Variants in NSL1 observed in about 807,000 individuals in gnomAD.
NSL1 encodes the protein NSL1 component of MIS12 kinetochore complex, also known as kinetochore-associated protein NSL1 homolog.
NSL1 carries 11 observed loss-of-function variants against 25.4 expected under a neutral mutation model. The observed-to-expected ratio is 0.43, with a 90% CI of 0.27 to 0.72. The LOEUF (loss-of-function observed/expected upper bound fraction) is 0.72. NSL1 is among the 30% of genes least tolerant of loss of function. The pLI, the probability that NSL1 is intolerant of heterozygous loss-of-function variation, is 0.19. For synonymous variants in NSL1, 118 were observed against 120.6 expected (o/e 0.98, Z 0.14); for missense variants, 330 against 342.7 (o/e 0.96, Z 0.29).
chr1:212,746,270 T>C (rs2102436882), intron 4 of NSL1, among the ~76,000 whole-genome samples: 2 of 151,912 alleles, frequency 1.3e-5, no homozygotes, highest in Middle Eastern at 6.8e-3. Flanking sequence ...AATGACAACA[T>C]AAAGGGGGAG....
At chr1:212,764,584 GC>G (rs1183211886) in intron 4 of NSL1, among the ~76,000 whole-genome samples, 7 of 152,126 alleles carry the variant, frequency 4.6e-5, no homozygotes, top group Non-Finnish European at 1.0e-4. Context: ...GGTGGCTCAT[GC>G]CCACAATCCC....
In NSL1 at chr1:212,745,160, C is replaced by A. The variant is rs1326016166; in HGVS notation, c.500-5559G>T. Reference sequence around the variant, plus strand: ...CAAAACAAACAAACAAACAAACAAACTATATATATATATATATATATATAT... The same window carrying A: ...CAAAACAAACAAACAAACAAACAAAATATATATATATATATATATATATAT... On this transcript the variant is annotated intron_variant, in intron 4 of 5. Coordinates refer to ENST00000366977, the MANE Select transcript of NSL1 (RefSeq NM_015471.4). Among the ~76,000 whole-genome samples, 152 of 117,676 alleles carry A rather than the reference C, an allele frequency of 1.3e-3. 1 individual carries two copies. Among genetic ancestry groups the A allele is most frequent in the African/African-American group, 5.8e-3 (143 of 24,720 alleles). The allele number at this position is 117,676 out of a possible 152,430, so 77.2% of individuals were successfully genotyped here.
intron 4 of NSL1, among the ~76,000 whole-genome samples, chr1:212,755,425 A>G (rs1429286856): frequency 1.3e-5 from 2 of 151,816 alleles, no homozygotes; most frequent in Admixed American, 6.5e-5. Context: ...ATCTCTCACA[A>G]AAAACAAAAA....
At chr1:212,782,467 G>C (rs1435841166) in intron 3 of NSL1, 41 bp from the exon 4 acceptor site, 3 of 1,335,742 alleles carry the variant, frequency 2.2e-6, no homozygotes, top group Non-Finnish European at 3.2e-6. Context: ...ATCACTTAAT[G>C]CTTCATATAA....
intron 4 of NSL1, among the ~76,000 whole-genome samples, chr1:212,741,171 C>A (rs2102430639): frequency 6.6e-6 from 1 of 152,196 alleles, no homozygotes; most frequent in African/African-American, 2.4e-5. Context: ...CAAAAGTACT[C>A]AGGGGCATAA....
chr1:212,743,171 T>A (rs983453937), intron 4 of NSL1, among the ~76,000 whole-genome samples: 9 of 152,110 alleles, frequency 5.9e-5, no homozygotes, highest in Non-Finnish European at 1.0e-4. Flanking sequence ...TTGGTTTTTT[T>A]TTCTTTTTTT....
chr1:212,752,228 G>A (rs1005043575), intron 4 of NSL1, among the ~76,000 whole-genome samples: 4 of 152,144 alleles, frequency 2.6e-5, no homozygotes, highest in Non-Finnish European at 5.9e-5. Flanking sequence ...AGCCTGTAAA[G>A]GGTTGCCTAG....
chr1:212,783,558 G>C (rs1369909472), intron 3 of NSL1, among the ~76,000 whole-genome samples: 1 of 152,092 alleles, frequency 6.6e-6, no homozygotes, highest in East Asian at 1.9e-4. Flanking sequence ...ATTTATATGT[G>C]AACATTTATG....
Position 212,726,764 on chromosome 1 carries a change from G to A in NSL1, c.*11644C>T, listed in dbSNP as rs540986970. The A allele has an allele frequency of 4.1e-5, 8 of 192,796 alleles. No homozygotes were observed. The highest frequency in any genetic ancestry group is 5.3e-5 in the Non-Finnish European group (5 of 94,090). The allele number at this position is 192,796 out of a possible 1,614,324, so 11.9% of individuals were successfully genotyped here. A position where few individuals can be genotyped will look rare whatever the true frequency, so the allele number is the denominator to read the frequency against. ...GCAGAGTGATTGGGTCACTCTCCAT[G>A]GTGTCCATGAGAGGCTGCCAGCCAC... On this transcript the variant is annotated 3_prime_UTR_variant, in exon 6 of 6. Coordinates refer to ENST00000366977, the MANE Select transcript of NSL1 (RefSeq NM_015471.4).
At position 212,782,360 on chromosome 1, in the gene NSL1, A is replaced by T. The variant is rs771193434; in HGVS notation, c.499+12T>A. The T allele has an allele frequency of 1.5e-5, 24 of 1,595,080 alleles. No individual in the cohort carries two copies. The highest frequency in any genetic ancestry group is 2.1e-5 in the Non-Finnish European group (24 of 1,162,684). On this transcript the variant is annotated intron_variant, in intron 4 of 5. Coordinates refer to ENST00000366977, the MANE Select transcript of NSL1 (RefSeq NM_015471.4). ...GATGCTTCATTTTTACCACAAATGG[A>T]TACTGACTCACCTGGATCAGGGTCA...
chr1:212,753,077 G>A (rs1257262674), intron 4 of NSL1, among the ~76,000 whole-genome samples: 1 of 152,178 alleles, frequency 6.6e-6, no homozygotes, highest in African/African-American at 2.4e-5. Flanking sequence ...AAACACAGCA[G>A]TGATTTGTGA....
intron 4 of NSL1, among the ~76,000 whole-genome samples, chr1:212,771,446 A>G (rs1274717232): frequency 6.6e-6 from 1 of 152,220 alleles, no homozygotes; most frequent in Non-Finnish European, 1.5e-5. Context: ...GGAACAAGAC[A>G]AAGATGCCCA....
Position 212,727,884 on chromosome 1 carries a change from G to A in NSL1, c.*10524C>T. On this transcript the variant is annotated 3_prime_UTR_variant, in exon 6 of 6. Coordinates refer to ENST00000366977, the MANE Select transcript of NSL1 (RefSeq NM_015471.4). The stretch of plus-strand genomic sequence containing the variant: ...AAAATGTTTGTTGATACTCTCTGTT[G>A]CTATGTGTCATTGAAAAAAAATGAG... The A allele has an allele frequency of 4.1e-6, 4 of 985,312 alleles. No individual in the cohort carries two copies. The highest frequency in any genetic ancestry group is 4.8e-6 in the Non-Finnish European group (4 of 829,828). The allele number at this position is 985,312 out of a possible 1,614,324, so 61.0% of individuals were successfully genotyped here.
chr1:212,738,628 G>C lies in NSL1; in HGVS notation c.626C>G (p.Pro209Arg), dbSNP rs369675580. The stretch of plus-strand genomic sequence containing the variant: ...GTGAATCCTCTGGAGGTGGATAACA[G>C]GCTGCATCCTGAGAACTTGGGAAAA... The part of the protein sequence containing the change: ...EGFSQVLRMQ[P>R]VIHLQRIHQE... The change falls in exon 6 of 6, where the codon CCT (proline) becomes CGT (arginine). Residue 209 changes from proline (P) to arginine (R), a missense_variant. Transcript: ENST00000366977. 12 of 1,614,010 alleles carry C rather than the reference G, an allele frequency of 7.4e-6. No individual in the cohort carries two copies. The highest frequency in any genetic ancestry group is 8.5e-7 in the Non-Finnish European group (1 of 1,180,020).
intron 5 of NSL1, among the ~76,000 whole-genome samples, chr1:212,739,189 A>G (rs1658380420): frequency 6.6e-6 from 1 of 152,236 alleles, no homozygotes; most frequent in Non-Finnish European, 1.5e-5. Context: ...TAAGGATTAC[A>G]TGAGACAATA....
intron 4 of NSL1, among the ~76,000 whole-genome samples, chr1:212,740,329 T>C (rs1306432043): frequency 6.6e-6 from 1 of 152,198 alleles, no homozygotes. Context: ...CTTTCATAAC[T>C]GCTATTTTTC....
intron 4 of NSL1, among the ~76,000 whole-genome samples, chr1:212,744,238 T>C (rs1300149978): frequency 6.6e-6 from 1 of 152,190 alleles, no homozygotes; most frequent in Admixed American, 6.5e-5. Flanking sequence ...TCCAGGCATT[T>C]AAGGAAATCT....
chr1:212,776,139 A>G (rs764002895), intron 4 of NSL1, among the ~76,000 whole-genome samples: 2 of 152,148 alleles, frequency 1.3e-5, no homozygotes, highest in Non-Finnish European at 2.9e-5. Context: ...TTTAACAATA[A>G]GGAAAATTGA....
intron 4 of NSL1, among the ~76,000 whole-genome samples, chr1:212,778,573 A>G (rs1428867245): frequency 9.4e-5 from 14 of 149,466 alleles, no homozygotes; most frequent in East Asian, 2.0e-4. Context: ...TGGTTTTCGT[A>G]TTTTTTTGGT....
Sources: allele counts gnomAD v4.1 joint callset (sites outside exome capture counted in the v4.1 genomes callset), GRCh38; gene constraint gnomAD v4.1.1; transcripts MANE v1.5; gene names NCBI Gene and HGNC (gene_info 2026-07-23, HGNC 2026-07-21).